MTFMT: variants seen among roughly 807,000 people sequenced by gnomAD.
MTFMT encodes the protein methionyl-tRNA formyltransferase, mitochondrial.
MTFMT carries 47 observed loss-of-function variants against 51.8 expected under a neutral mutation model. That is an observed-to-expected ratio of 0.91 (90% CI 0.72 to 1.16). The LOEUF is 1.16. Ranked by LOEUF, MTFMT falls within the 50% of genes most tolerant of loss-of-function variation. The pLI, the probability that MTFMT is intolerant of heterozygous loss-of-function variation, is 0.00. For synonymous variants in MTFMT, 196 were observed against 176.7 expected (o/e 1.11, Z -0.87); for missense variants, 512 against 482.3 (o/e 1.06, Z -0.58).
rs1053002261 is a variant in MTFMT, at chr15:65,020,058, C to G, written c.721+139G>C. 41 of 713,646 alleles carry G rather than the reference C, an allele frequency of 5.7e-5. No individual in the cohort carries two copies. The African/African-American group carries it at 7.4e-4, about 13-fold the overall frequency. The allele number at this position is 713,646 out of a possible 1,614,324, so 44.2% of individuals were successfully genotyped here. Reference sequence around the variant, plus strand: ...AAGAGGGAGAAAGAATGCTTTCTACCATTCTTTGGAAAAGCACACAAAAGT... The same window carrying G: ...AAGAGGGAGAAAGAATGCTTTCTACGATTCTTTGGAAAAGCACACAAAAGT... On this transcript the variant is annotated intron_variant, in intron 5 of 8. Transcript: ENST00000220058.
intron 6 of MTFMT, among the ~76,000 whole-genome samples, chr15:65,007,606 G>A (rs892630188): frequency 6.6e-6 from 1 of 152,150 alleles, no homozygotes; most frequent in Non-Finnish European, 1.5e-5. Context: ...GAATGCGTGG[G>A]TTAAACAGCA....
intron 5 of MTFMT, among the ~76,000 whole-genome samples, chr15:65,017,815 G>A (rs1463575720): frequency 1.3e-5 from 2 of 151,480 alleles, no homozygotes; most frequent in East Asian, 3.9e-4. Flanking sequence ...AAAGAAGGAG[G>A]AAAATCTCTT....
intron 6 of MTFMT, among the ~76,000 whole-genome samples, chr15:65,007,690 G>A (rs189844291): frequency 3.3e-4 from 51 of 152,306 alleles, no homozygotes; most frequent in African/African-American, 7.2e-4. Context: ...TATTATTAGC[G>A]AAGCTGAGAA....
At chr15:65,019,276 A>G (rs2086350581) in intron 5 of MTFMT, among the ~76,000 whole-genome samples, 1 of 152,236 alleles carries the variant, frequency 6.6e-6, no homozygotes, top group African/African-American at 2.4e-5. Flanking sequence ...GTGGTACCTT[A>G]AGACTGTAGG....
In MTFMT at chr15:65,029,509, C is replaced by T; in HGVS notation, c.105G>A (p.Glu35=). Residue 35 remains glutamate (E), a synonymous_variant, in exon 1 of 9, where the codon GAG becomes GAA. Coordinates refer to ENST00000220058, the MANE Select transcript of MTFMT (RefSeq NM_139242.4). ...CGCGGACTCTGGAGTCCCGGCAGTC[C>T]TCCCAGCCGAGTCGGGCCAGTGCTC... ...QWRALARLGW[E]DCRDSRVREK... is the part of the protein sequence containing the mutation. 6.5e-7 allele frequency: 1 copy of T among 1,530,956 alleles called. No homozygotes were observed. The allele number at this position is 1,530,956 out of a possible 1,614,324, so 94.8% of individuals were successfully genotyped here.
Position 65,029,606 on chromosome 15 carries a change from A to T in MTFMT, c.8T>A (p.Val3Glu), listed in dbSNP as rs1466999297. The part of the protein sequence containing the change: MR[V>E]LVRRCWGPPL... Reference sequence around the variant, plus strand: ...AGGACCCCAACAGCGCCGCACCAACACCCTCATCGCCTCGGCCGCCGGCGG... The same window carrying T: ...AGGACCCCAACAGCGCCGCACCAACTCCCTCATCGCCTCGGCCGCCGGCGG... The change falls in exon 1 of 9, where the codon GTG becomes GAG. Residue 3 changes from valine (V) to glutamate (E), a missense_variant. Val to Glu is a moderately radical substitution (Grantham distance 121, BLOSUM62 -2). Transcript: ENST00000220058. The T allele has an allele frequency of 1.1e-5, 14 of 1,244,062 alleles. No individual in the cohort carries two copies. Among genetic ancestry groups the T allele is most frequent in the Non-Finnish European group, 1.4e-5 (14 of 970,328 alleles). 77.1% of individuals were successfully genotyped at this position (1,244,062 alleles called of 1,614,324 possible).
At chr15:65,007,118 G>A (rs1378069498) in intron 6 of MTFMT, among the ~76,000 whole-genome samples, 4 of 152,256 alleles carry the variant, frequency 2.6e-5, no homozygotes, top group Non-Finnish European at 5.9e-5. Context: ...TGCAGGGGAA[G>A]AGCCTGGCCT....
At chr15:65,014,191 C>T (rs2086295749) in intron 6 of MTFMT, among the ~76,000 whole-genome samples, 2 of 152,096 alleles carry the variant, frequency 1.3e-5, no homozygotes, top group African/African-American at 2.4e-5. Context: ...TGGCTGGCTC[C>T]TTATTGTCTT....
At chr15:65,009,485 A>G (rs1165220175) in intron 6 of MTFMT, among the ~76,000 whole-genome samples, 4 of 152,160 alleles carry the variant, frequency 2.6e-5, no homozygotes. Context: ...AAATCTATGA[A>G]TGATCCTAAT....
intron 6 of MTFMT, among the ~76,000 whole-genome samples, chr15:65,008,007 A>T (rs1350175649): frequency 6.6e-6 from 1 of 152,086 alleles, no homozygotes; most frequent in Non-Finnish European, 1.5e-5. Flanking sequence ...CCTACCCCAC[A>T]CTTTAAGATT....
Position 65,020,274 on chromosome 15 carries a change from T to C in MTFMT, c.646-2A>G. The C allele has an allele frequency of 6.6e-7, 1 of 1,504,256 alleles. No individual in the cohort carries two copies. The highest frequency in any genetic ancestry group is 2.3e-5 in the Admixed American group (1 of 43,582). 93.2% of individuals were successfully genotyped at this position (1,504,256 alleles called of 1,614,324 possible). ...CAAATTTTTCAAAACTGAAATGAGC[T>C]ACAAAAAAAAAAAAAAGAGTGTGAT... On this transcript the variant is annotated splice_acceptor_variant, in intron 4 of 8. Coordinates refer to ENST00000220058, the MANE Select transcript of MTFMT (RefSeq NM_139242.4). LOFTEE classifies it high-confidence loss of function.
At chr15:65,013,712 G>A (rs1469852927) in intron 6 of MTFMT, among the ~76,000 whole-genome samples, 1 of 152,128 alleles carries the variant, frequency 6.6e-6, no homozygotes, top group African/African-American at 2.4e-5. Flanking sequence ...GGGAGGCTGA[G>A]GTGGGCGGAT....
intron 8 of MTFMT, 64 bp from the exon 9 acceptor site, chr15:65,003,320 T>C (rs1348555978): frequency 7.8e-6 from 10 of 1,283,542 alleles, no homozygotes; most frequent in Non-Finnish European, 1.1e-5. Flanking sequence ...CAAGTAAATA[T>C]TAGTTTATAA....
intron 2 of MTFMT, among the ~76,000 whole-genome samples, chr15:65,024,567 T>C (rs1013481628): frequency 2.0e-5 from 3 of 151,884 alleles, no homozygotes; most frequent in Non-Finnish European, 2.9e-5. Context: ...CCAGGCTGGA[T>C]GGCTCACTGC....
chr15:65,002,094 T>C lies in MTFMT; in HGVS notation c.*968A>G, dbSNP rs2086180604. 6.6e-6 allele frequency: 1 copy of C among 152,082 alleles called. No homozygotes were observed. The highest frequency in any genetic ancestry group is 2.4e-5 in the African/African-American group (1 of 41,418). 9.4% of individuals were successfully genotyped at this position (152,082 alleles called of 1,614,324 possible). On this transcript the variant is annotated 3_prime_UTR_variant, in exon 9 of 9. Coordinates refer to ENST00000220058, the MANE Select transcript of MTFMT (RefSeq NM_139242.4). ...TTTTTAAAAAATTAAATAGATGCAC[T>C]GTTTTTAAAAAAACCTCTTCTCGGC...
In MTFMT at chr15:65,027,202, CT is replaced by C. The variant is rs544080836; in HGVS notation, c.210-163del. On this transcript the variant is annotated intron_variant, in intron 1 of 8. Transcript: ENST00000220058. ...GACTGAGTTTTCATTTTTTCTTTTT[CT>C]TTTTTTTTTTTTGAGCTGGAGTCTC... is the stretch of plus-strand genomic sequence containing the variant. Among the ~76,000 whole-genome samples the C allele has an allele frequency of 1.9e-3, 276 of 143,796 alleles. 1 individual carries two copies. The highest frequency in any genetic ancestry group is 3.7e-3 in the Middle Eastern group (1 of 272). The allele number at this position is 143,796 out of a possible 152,430, so 94.3% of individuals were successfully genotyped here. A position where few individuals can be genotyped will look rare whatever the true frequency, so the allele number is the denominator to read the frequency against.
rs1308782207 is a variant in MTFMT, at chr15:65,002,074, A to T, written c.*988T>A. 2 of 152,102 alleles carry T rather than the reference A, an allele frequency of 1.3e-5. No homozygotes were observed. Among genetic ancestry groups the T allele is most frequent in the Non-Finnish European group, 2.9e-5 (2 of 68,018 alleles). The allele number at this position is 152,102 out of a possible 1,614,324, so 9.4% of individuals were successfully genotyped here. Reference sequence around the variant, plus strand: ...AAATGTCAGTGGTGACACGATTTTTAAAAAATTAAATAGATGCACTGTTTT... The same window carrying T: ...AAATGTCAGTGGTGACACGATTTTTTAAAAATTAAATAGATGCACTGTTTT... On this transcript the variant is annotated 3_prime_UTR_variant, in exon 9 of 9. Transcript: ENST00000220058.
intron 6 of MTFMT, among the ~76,000 whole-genome samples, chr15:65,009,636 G>C (rs1010678684): frequency 6.6e-6 from 1 of 151,852 alleles, no homozygotes; most frequent in Non-Finnish European, 1.5e-5. Context: ...TACAGTCGCA[G>C]CAGCTTCTTT....
intron 5 of MTFMT, among the ~76,000 whole-genome samples, chr15:65,017,307 T>C (rs2086331907): frequency 6.6e-6 from 1 of 152,072 alleles, no homozygotes; most frequent in African/African-American, 2.4e-5. Flanking sequence ...TTCTTAAATA[T>C]ATGAAAAGAT....
Sources: allele counts gnomAD v4.1 joint callset (sites outside exome capture counted in the v4.1 genomes callset), GRCh38; gene constraint gnomAD v4.1.1; transcripts MANE v1.5; gene names NCBI Gene and HGNC (gene_info 2026-07-23, HGNC 2026-07-21).